SPAG17: variants seen among roughly 807,000 people sequenced by gnomAD.
The protein encoded by SPAG17 is sperm-associated antigen 17.
In SPAG17, 169 loss-of-function variants were observed where a neutral mutation model predicts 273.6. That is an observed-to-expected ratio of 0.62 (90% CI 0.55 to 0.70). SPAG17 has a LOEUF of 0.70. Ranked by LOEUF, SPAG17 falls within the 30% of genes least tolerant of loss-of-function variation. The pLI is 0.00. For synonymous variants in SPAG17, 825 were observed against 873.2 expected, an observed-to-expected ratio of 0.94 and a Z score of 0.97; for missense variants, 2,557 against 2,627.8, an observed-to-expected ratio of 0.97 and a Z score of 0.59.
intron 1 of SPAG17, among the ~76,000 whole-genome samples, chr1:118,176,107 C>A (rs954728660): frequency 5.3e-5 from 8 of 151,838 alleles, no homozygotes; most frequent in African/African-American, 1.7e-4. Flanking sequence ...ATAATAGATT[C>A]ATAAAAATAA....
chr1:118,177,206 C>T (rs1344526366), intron 1 of SPAG17, among the ~76,000 whole-genome samples: 3 of 152,136 alleles, frequency 2.0e-5, no homozygotes, highest in Admixed American at 1.3e-4. Flanking sequence ...TAATGACTCA[C>T]AATTCTCTAT....
chr1:118,003,455 C>T (rs1175633045), intron 32 of SPAG17, among the ~76,000 whole-genome samples: 6 of 152,306 alleles, frequency 3.9e-5, no homozygotes, highest in Admixed American at 3.3e-4. Flanking sequence ...ACTTTCAGGT[C>T]CATCAGTCAA....
chr1:118,026,749 A>T (rs989319915), intron 26 of SPAG17, among the ~76,000 whole-genome samples: 2 of 152,180 alleles, frequency 1.3e-5, no homozygotes, highest in Admixed American at 1.3e-4. Flanking sequence ...ATTTTCTTAT[A>T]TTACAAAAGC....
intron 3 of SPAG17, among the ~76,000 whole-genome samples, chr1:118,124,823 G>A (rs1657617827): frequency 6.6e-6 from 1 of 152,194 alleles, no homozygotes; most frequent in African/African-American, 2.4e-5. Context: ...AGGCTATCTG[G>A]TTCCAGAATC....
At chr1:118,085,880 TAATTA>T in intron 13 of SPAG17, 37 bp downstream of exon 13, 1 of 1,529,714 alleles carries the variant, frequency 6.5e-7, no homozygotes, top group Non-Finnish European at 8.8e-7. Context: ...ATATGACCAT[TAATTA>T]AATTGAGTTT....
chr1:118,045,232 T>C (rs920763396), intron 20 of SPAG17, among the ~76,000 whole-genome samples: 54 of 152,200 alleles, frequency 3.5e-4, no homozygotes, highest in African/African-American at 1.3e-3. Flanking sequence ...ACTCTTGTCA[T>C]GTTCTTCAGG....
chr1:118,104,136 C>T (rs1274951907), intron 4 of SPAG17, among the ~76,000 whole-genome samples: 1 of 152,100 alleles, frequency 6.6e-6, no homozygotes, highest in African/African-American at 2.4e-5. Context: ...AGGAAACTCT[C>T]GCAATAGTCC....
intron 20 of SPAG17, among the ~76,000 whole-genome samples, chr1:118,045,456 G>C (rs1480055684): frequency 6.6e-6 from 1 of 152,174 alleles, no homozygotes; most frequent in East Asian, 1.9e-4. Flanking sequence ...CTGGGAGAAT[G>C]ACACACTCCA....
intron 4 of SPAG17, among the ~76,000 whole-genome samples, chr1:118,114,976 C>T (rs1656988340): frequency 6.6e-6 from 1 of 152,152 alleles, no homozygotes; most frequent in South Asian, 2.1e-4. Context: ...CCCAACTGTC[C>T]TTTTCATATT....
chr1:118,066,878 G>T lies in SPAG17; in HGVS notation c.2407C>A (p.Gln803Lys), dbSNP rs144031962. The change falls in exon 18 of 49, where the codon CAA becomes AAA. Residue 803 changes from glutamine (Q) to lysine (K), a missense_variant. Coordinates refer to ENST00000336338, the MANE Select transcript of SPAG17 (RefSeq NM_206996.4). ...LLQVLQEAHKQYRCVDSYYHT... is the reference protein window; with the variant it reads ...LLQVLQEAHKKYRCVDSYYHT... Reference sequence around the variant, plus strand: ...TAGTAAGAATCAACACACCTATATTGCTTATGGGCTTCTTGAAGGACCTGA... The same window carrying T: ...TAGTAAGAATCAACACACCTATATTTCTTATGGGCTTCTTGAAGGACCTGA... 6.2e-7 allele frequency: 1 copy of T among 1,602,058 alleles called. No individual in the cohort carries two copies. Among genetic ancestry groups the T allele is most frequent in the Non-Finnish European group, 8.5e-7 (1 of 1,176,976 alleles).
intron 1 of SPAG17, among the ~76,000 whole-genome samples, chr1:118,166,388 T>A (rs562521901): frequency 3.3e-5 from 5 of 152,312 alleles, no homozygotes; most frequent in Middle Eastern, 6.8e-3. Context: ...AAAACTGGCT[T>A]AAAGACAAAG....
intron 4 of SPAG17, among the ~76,000 whole-genome samples, chr1:118,111,651 AGGTGT>A (rs1656769731): frequency 6.6e-6 from 1 of 150,668 alleles, no homozygotes; most frequent in Non-Finnish European, 1.5e-5. Context: ...GGAAGCTGGA[AGGTGT>A]CTGTGAAAAC....
At chr1:117,956,938 TTTAACTC>T in intron 48 of SPAG17, 1 of 724,480 alleles carries the variant, frequency 1.4e-6, no homozygotes, top group South Asian at 3.0e-5. Flanking sequence ...CAGATGAATA[TTTAACTC>T]TAGGCAAGAT....
chr1:118,055,523 G>A (rs1464386855), intron 19 of SPAG17, among the ~76,000 whole-genome samples: 1 of 152,010 alleles, frequency 6.6e-6, no homozygotes, highest in African/African-American at 2.4e-5. Flanking sequence ...GAAGTGGGGG[G>A]TCAATATAAA....
At position 118,095,237 on chromosome 1, in the gene SPAG17, G is replaced by A. The variant is rs367910304; in HGVS notation, c.1012-1920C>T. On this transcript the variant is annotated intron_variant, in intron 7 of 48. Coordinates refer to ENST00000336338, the MANE Select transcript of SPAG17 (RefSeq NM_206996.4). ...AGCAGAGTGCTAGAAATGGTGCTCG[G>A]TCCTTTGAAGTTGCCATTGTATACC... Among the ~76,000 whole-genome samples, 8 of 152,310 alleles carry A rather than the reference G, an allele frequency of 5.3e-5. No homozygotes were observed. In the East Asian group the frequency reaches 1.2e-3, roughly 22 times the overall value.
rs1659620095 is a variant in SPAG17 at position 118,012,889 on chromosome 1, A to G, written c.4288-517T>C. On this transcript the variant is annotated intron_variant, in intron 29 of 48. Coordinates refer to ENST00000336338, the MANE Select transcript of SPAG17 (RefSeq NM_206996.4). ...CAGAGGCTGTAGCCTCTCTATGTCA[A>G]GTTGACCTGTGCATGTATCTGCTGC... 2.0e-5 allele frequency among the ~76,000 whole-genome samples: 3 copies of G among 152,174 alleles called. No homozygotes were observed. The South Asian group carries it at 6.2e-4, about 32-fold the overall frequency.
At chr1:117,999,081 T>C (rs1657981270) in intron 32 of SPAG17, among the ~76,000 whole-genome samples, 1 of 151,860 alleles carries the variant, frequency 6.6e-6, no homozygotes, top group Admixed American at 6.6e-5. Context: ...ACATGTGGTG[T>C]TTTGTTTTCT....
intron 3 of SPAG17, among the ~76,000 whole-genome samples, chr1:118,135,397 G>A (rs192340787): frequency 1.3e-5 from 2 of 150,840 alleles, no homozygotes; most frequent in African/African-American, 4.9e-5. Context: ...GTGTGTGTGT[G>A]TGTGTGTGTG....
At chr1:118,122,128 A>G (rs1558028280) in intron 3 of SPAG17, among the ~76,000 whole-genome samples, 1 of 149,556 alleles carries the variant, frequency 6.7e-6, no homozygotes, top group Non-Finnish European at 1.5e-5. Context: ...CAGAGGAACT[A>G]TTGCCCCAAT....
Sources: gnomAD v4.1 joint callset for allele counts (sites outside exome capture counted in the v4.1 genomes callset) on GRCh38, gnomAD v4.1.1 for gene constraint, MANE v1.5 for transcripts, NCBI Gene and HGNC (gene_info 2026-07-23, HGNC 2026-07-21) for gene names.